The following CLASRP variants were observed in gnomAD, a reference collection of about 807,000 sequenced individuals.
CLASRP encodes the protein CLK4-associating serine/arginine rich protein.
In CLASRP, 52 loss-of-function variants were observed where a neutral mutation model predicts 99.9. The observed-to-expected ratio is 0.52, with a 90% confidence interval of 0.42 to 0.66. The LOEUF is 0.66. CLASRP is among the 30% of genes least tolerant of loss of function. The pLI is 0.00. For synonymous variants in CLASRP, 379 were observed against 373.0 expected (o/e 1.02, Z -0.18); for missense variants, 848 against 999.2 (o/e 0.85, Z 2.04).
chr19:45,060,667 G>C lies in CLASRP; in HGVS notation c.863+40G>C, dbSNP rs758810164. The C allele has an allele frequency of 6.7e-6, 10 of 1,482,212 alleles. No homozygotes were observed. The highest frequency in any genetic ancestry group is 9.1e-6 in the Non-Finnish European group (10 of 1,095,042). The allele number at this position is 1,482,212 out of a possible 1,614,324, so 91.8% of individuals were successfully genotyped here. ...TGAACCCCCACCCTGCTGGCATCTG[G>C]GGGAGGAGAGCAGGGGCTTAGGGCC... On this transcript the variant is annotated intron_variant, in intron 10 of 20. Coordinates refer to ENST00000221455, the MANE Select transcript of CLASRP (RefSeq NM_007056.3). The surrounding 1 kb of genome is among the most constrained non-coding windows in gnomAD (Gnocchi z 4.6).
chr19:45,053,669 G>A (rs1207781827), intron 5 of CLASRP, among the ~76,000 whole-genome samples: 1 of 152,076 alleles, frequency 6.6e-6, no homozygotes, highest in Non-Finnish European at 1.5e-5. Flanking sequence ...TAGTAGAGAC[G>A]GGGTTTCGCC....
chr19:45,052,313 G>C, intron 3 of CLASRP, 145 bp downstream of exon 3: 1 of 667,764 alleles, frequency 1.5e-6, no homozygotes, highest in Non-Finnish European at 2.6e-6. Context: ...CGCATATGAA[G>C]GTGATAGTCA....
At chr19:45,057,638 A>G (rs569838971) in intron 6 of CLASRP, 112 bp from the exon 7 acceptor site, 9 of 1,253,482 alleles carry the variant, frequency 7.2e-6, no homozygotes, top group Middle Eastern at 2.7e-4. Context: ...TCCTAGGCTG[A>G]GGGAGAGCCT....
rs550765415 is a variant in CLASRP, at chr19:45,068,996, A to T, written c.1769-70A>T. 6 of 1,421,722 alleles carry T rather than the reference A, an allele frequency of 4.2e-6. No homozygotes were observed. In the South Asian group the frequency reaches 6.1e-5, roughly 15 times the overall value. 88.1% of individuals were successfully genotyped at this position (1,421,722 alleles called of 1,614,324 possible). On this transcript the variant is annotated intron_variant, in intron 16 of 20. Transcript: ENST00000221455. ...CAGAGCGAGACTCTGTCTCAAAAAA[A>T]AAAAAAAAGAAAAAAGAGAGTGGGG... is the stretch of plus-strand genomic sequence containing the variant.
rs575859831 is a variant in CLASRP at position 45,040,440 on chromosome 19, A to G, written c.99+129A>G. The G allele has an allele frequency of 3.7e-5, 23 of 625,480 alleles. No homozygotes were observed. The African/African-American group carries it at 3.9e-4, about 11-fold the overall frequency. 38.7% of individuals were successfully genotyped at this position (625,480 alleles called of 1,614,324 possible). ...TCATTTCCTCAGGAGTATATTCATT[A>G]ATCTTTTCTTGAGGATAATCATTGG... On this transcript the variant is annotated intron_variant, in intron 2 of 20. Transcript: ENST00000221455.
chr19:45,060,438 G>T lies in CLASRP; in HGVS notation c.760G>T (p.Ala254Ser). The change falls in exon 9 of 21, where the codon GCT becomes TCT. Residue 254 changes from alanine (A) to serine (S), a missense_variant. Physicochemically the swap from Ala to Ser is moderately conservative, Grantham distance 99. Around this residue, in one of 8 missense-constraint regions of CLASRP, gnomAD observed 119 missense variants for 170.2 expected, o/e 0.70. Transcript: ENST00000221455. This position sits in a 1 kb window ranked among gnomAD's most constrained non-coding sequence, Gnocchi z 4.6. Reference protein sequence around the residue: ...EEAEAIKHAKALEEEKAMYSG... With the variant: ...EEAEAIKHAKSLEEEKAMYSG... ...GGCAGAGGCCATCAAGCATGCCAAG[G>T]CTCTTGAGGAGGAGAAGGCCATGTA... 6.2e-7 allele frequency: 1 copy of T among 1,614,160 alleles called. No homozygotes were observed.
intron 2 of CLASRP, among the ~76,000 whole-genome samples, chr19:45,043,223 G>GTGTGTGTA (rs1971847578): frequency 6.6e-6 from 1 of 150,928 alleles, no homozygotes; most frequent in Non-Finnish European, 1.5e-5. Flanking sequence ...GTGTGTGTGT[G>GTGTGTGTA]TGTGTGTGTG....
Position 45,068,440 on chromosome 19 carries a change from G to C in CLASRP, c.1728G>C (p.Glu576Asp). The change falls in exon 16 of 21, where the codon GAG becomes GAC. Residue 576 changes from glutamate to aspartate, a missense_variant. Around this residue, in one of 8 missense-constraint regions of CLASRP, gnomAD observed 116 missense variants for 162.7 expected, o/e 0.71. Coordinates refer to ENST00000221455, the MANE Select transcript of CLASRP (RefSeq NM_007056.3). ...CCCAGCCCAAGCTGACGCCTCAGGAGAAGCTGAAACTGAGGATGCAGAAGG... is the reference window on the plus strand; with the variant it reads ...CCCAGCCCAAGCTGACGCCTCAGGACAAGCTGAAACTGAGGATGCAGAAGG... ...GAAKPKLTPQEKLKLRMQKAL... is the reference protein window; with the variant it reads ...GAAKPKLTPQDKLKLRMQKAL... The C allele has an allele frequency of 7.4e-6, 12 of 1,612,532 alleles. No homozygotes were observed. The highest frequency in any genetic ancestry group is 1.0e-5 in the Non-Finnish European group (12 of 1,178,732).
chr19:45,063,742 G>A (rs768269131), intron 11 of CLASRP, among the ~76,000 whole-genome samples: 7 of 152,014 alleles, frequency 4.6e-5, no homozygotes, highest in South Asian at 4.1e-4. Flanking sequence ...GAGCCACCGC[G>A]CCCGGCCTGC....
intron 20 of CLASRP, 68 bp downstream of exon 20, chr19:45,070,629 G>C: frequency 6.7e-7 from 1 of 1,481,902 alleles, no homozygotes; most frequent in Non-Finnish European, 9.4e-7. Context: ...GGTCCTGGCT[G>C]TCATTCCTCC....
At position 45,070,097 on chromosome 19, in the gene CLASRP, C is replaced by T. The variant is rs376629740; in HGVS notation, c.1950C>T (p.Pro650=). The change falls in exon 19 of 21, where the codon CCC becomes CCT. Residue 650 remains proline (P), a synonymous_variant. Transcript: ENST00000221455. ...GCCGGCAGAGCCGCTCACCCTCCCC[C>T]CGATACAGTGAGTGTCCCCACCAGG... The part of the protein sequence containing the change: ...QYSRQSRSPS[P]RYSREYSSSR... 4 of 1,578,794 alleles carry T rather than the reference C, an allele frequency of 2.5e-6. No individual in the cohort carries two copies. Among genetic ancestry groups the T allele is most frequent in the Non-Finnish European group, 3.5e-6 (4 of 1,147,912 alleles).
intron 5 of CLASRP, among the ~76,000 whole-genome samples, 194 bp from the exon 6 acceptor site, chr19:45,056,256 G>A (rs1972116890): frequency 6.6e-6 from 1 of 152,208 alleles, no homozygotes; most frequent in African/African-American, 2.4e-5. Flanking sequence ...CCTTGACCAA[G>A]GTCGTGTGTC....
Position 45,067,213 on chromosome 19 carries a change from A to G in CLASRP, c.1410-124A>G, listed in dbSNP as rs1335899201. 2.7e-6 allele frequency: 3 copies of G among 1,106,932 alleles called. No individual in the cohort carries two copies. Among genetic ancestry groups the G allele is most frequent in the Non-Finnish European group, 3.7e-6 (3 of 804,024 alleles). 68.6% of individuals were successfully genotyped at this position (1,106,932 alleles called of 1,614,324 possible). Reference sequence around the variant, plus strand: ...CATTTTGGAGGGAGAGTAGCAGGAGAGGAGAGTCGAGCCTGTCACCCTGGG... The same window carrying G: ...CATTTTGGAGGGAGAGTAGCAGGAGGGGAGAGTCGAGCCTGTCACCCTGGG... On this transcript the variant is annotated intron_variant, in intron 13 of 20. Coordinates refer to ENST00000221455, the MANE Select transcript of CLASRP (RefSeq NM_007056.3). The surrounding 1 kb of genome is among the most constrained non-coding windows in gnomAD (Gnocchi z 4.9).
Position 45,048,332 on chromosome 19 carries a change from C to T in CLASRP, c.100-3739C>T, listed in dbSNP as rs564327221. 4.1e-5 allele frequency among the ~76,000 whole-genome samples: 6 copies of T among 147,646 alleles called. No individual in the cohort carries two copies. The East Asian group carries it at 1.3e-3, about 31-fold the overall frequency. Reference sequence around the variant, plus strand: ...CGGGTGGATCACGAGGTCAGGAGTTCGAGACCAGCCTGGCCAACATGGTGA... The same window carrying T: ...CGGGTGGATCACGAGGTCAGGAGTTTGAGACCAGCCTGGCCAACATGGTGA... On this transcript the variant is annotated intron_variant, in intron 2 of 20. Coordinates refer to ENST00000221455, the MANE Select transcript of CLASRP (RefSeq NM_007056.3).
intron 2 of CLASRP, among the ~76,000 whole-genome samples, chr19:45,048,152 G>C (rs1340563074): frequency 6.6e-6 from 1 of 152,008 alleles, no homozygotes; most frequent in East Asian, 1.9e-4. Flanking sequence ...AGGCCCATCT[G>C]GGTTCAAATC....
intron 5 of CLASRP, 94 bp from the exon 6 acceptor site, chr19:45,056,356 A>G (rs1213211657): frequency 1.0e-5 from 11 of 1,070,678 alleles, no homozygotes; most frequent in Non-Finnish European, 1.6e-5. Context: ...CTGGGGTTGC[A>G]CCTGTCTTCC....
At chr19:45,066,583 C>T (rs887619507) in intron 13 of CLASRP, among the ~76,000 whole-genome samples, 8 of 145,164 alleles carry the variant, frequency 5.5e-5, no homozygotes, top group African/African-American at 1.8e-4. Context: ...AGCTATTGCA[C>T]CACTGCACTC....
chr19:45,070,083 C>A lies in CLASRP; in HGVS notation c.1936C>A (p.Arg646Ser). The A allele has an allele frequency of 6.2e-7, 1 of 1,600,370 alleles. No homozygotes were observed. The highest frequency in any genetic ancestry group is 8.6e-7 in the Non-Finnish European group (1 of 1,167,500). ...EWERQYSRQSRSPSPRYSREY... is the reference protein window; with the variant it reads ...EWERQYSRQSSSPSPRYSREY... ...GGAACGCCAGTACAGCCGGCAGAGCCGCTCACCCTCCCCCCGATACAGTGA... is the reference window on the plus strand; with the variant it reads ...GGAACGCCAGTACAGCCGGCAGAGCAGCTCACCCTCCCCCCGATACAGTGA... The change falls in exon 19 of 21, where the codon CGC (arginine) becomes AGC (serine). Residue 646 changes from arginine to serine, a missense_variant. Coordinates refer to ENST00000221455, the MANE Select transcript of CLASRP (RefSeq NM_007056.3).
intron 15 of CLASRP, 180 bp from the exon 16 acceptor site, chr19:45,068,240 G>A (rs561091224): frequency 5.6e-4 from 370 of 664,868 alleles, no homozygotes; most frequent in Non-Finnish European, 8.6e-4. Flanking sequence ...GTACACTGGG[G>A]CTCCACCTGT....
Sources: allele counts gnomAD v4.1 joint callset (sites outside exome capture counted in the v4.1 genomes callset), GRCh38; gene constraint gnomAD v4.1.1; regional missense constraint gnomAD v4.1.1; non-coding constraint Gnocchi (gnomAD v3.1); transcripts MANE v1.5; gene names NCBI Gene and HGNC (gene_info 2026-07-23, HGNC 2026-07-21).